Variants in PRDM6 observed in about 807,000 individuals in gnomAD.
PRDM6 encodes PR/SET domain 6, also known as putative histone-lysine N-methyltransferase PRDM6.
In PRDM6, 25 loss-of-function variants were observed where a neutral mutation model predicts 60.8. The ratio of observed to expected loss-of-function variants is 0.41; its 90% CI spans 0.30 to 0.57. PRDM6 has a LOEUF of 0.57. PRDM6 is among the 20% of genes least tolerant of loss of function. PRDM6 has a pLI of 0.27. For synonymous variants in PRDM6, 407 were observed against 357.4 expected (o/e 1.14, Z -1.57); for missense variants, 839 against 821.3 (o/e 1.02, Z -0.26).
At chr5:123,128,976 A>G (rs1764757291) in intron 3 of PRDM6, among the ~76,000 whole-genome samples, 2 of 152,186 alleles carry the variant, frequency 1.3e-5, no homozygotes, top group Admixed American at 6.5e-5. Flanking sequence ...TCAGCTTTCT[A>G]CATATAGCTA....
At chr5:123,112,712 CTTTAA>C (rs1764339977) in intron 3 of PRDM6, among the ~76,000 whole-genome samples, 1 of 147,038 alleles carries the variant, frequency 6.8e-6, no homozygotes, top group South Asian at 2.1e-4. Flanking sequence ...TTATCCTTAT[CTTTAA>C]TTTATGGTGC....
At chr5:123,129,748 C>T (rs143090623) in intron 3 of PRDM6, among the ~76,000 whole-genome samples, 223 of 152,294 alleles carry the variant, frequency 1.5e-3, no homozygotes, top group Middle Eastern at 6.8e-3. Flanking sequence ...AATAAAGGTA[C>T]ACTGCTTATC....
intron 5 of PRDM6, among the ~76,000 whole-genome samples, chr5:123,163,680 T>C: frequency 6.6e-6 from 1 of 152,188 alleles, no homozygotes. Context: ...AGGAATGAGG[T>C]TCCCCAAAGC....
At chr5:123,146,269 T>A (rs1297249581) in intron 3 of PRDM6, among the ~76,000 whole-genome samples, 1 of 152,172 alleles carries the variant, frequency 6.6e-6, no homozygotes, top group African/African-American at 2.4e-5. Flanking sequence ...AAACCAAAAT[T>A]TCTGCTACAA....
At chr5:123,175,355 C>T (rs1343619518) in intron 6 of PRDM6, among the ~76,000 whole-genome samples, 1 of 152,132 alleles carries the variant, frequency 6.6e-6, no homozygotes, top group Non-Finnish European at 1.5e-5. Context: ...TTTTAAGTAT[C>T]ATTGTTTGTA....
intron 3 of PRDM6, among the ~76,000 whole-genome samples, chr5:123,121,299 T>C (rs1485018754): frequency 6.6e-6 from 1 of 152,216 alleles, no homozygotes; most frequent in Non-Finnish European, 1.5e-5. Context: ...TTATTTTGAA[T>C]ATTTTTTTCT....
intron 7 of PRDM6, among the ~76,000 whole-genome samples, chr5:123,182,218 A>G (rs1330975406): frequency 1.3e-5 from 2 of 152,172 alleles, no homozygotes; most frequent in African/African-American, 4.8e-5. Flanking sequence ...TATCCTGCCT[A>G]GTGGACTTTG....
intron 3 of PRDM6, among the ~76,000 whole-genome samples, chr5:123,112,217 C>G (rs932033587): frequency 6.6e-6 from 1 of 151,882 alleles, no homozygotes; most frequent in East Asian, 1.9e-4. Flanking sequence ...TGGGTTCTAG[C>G]TCTCACTGGG....
intron 3 of PRDM6, among the ~76,000 whole-genome samples, chr5:123,107,412 T>C (rs907465613): frequency 6.6e-6 from 1 of 152,238 alleles, no homozygotes; most frequent in Non-Finnish European, 1.5e-5. Context: ...GGTTTTCCTA[T>C]ATAAGAACAT....
At chr5:123,122,712 A>G (rs1580496192) in intron 3 of PRDM6, among the ~76,000 whole-genome samples, 1 of 152,176 alleles carries the variant, frequency 6.6e-6, no homozygotes, top group Non-Finnish European at 1.5e-5. Context: ...ATTACCTATA[A>G]TGTCTCTAGT....
intron 3 of PRDM6, among the ~76,000 whole-genome samples, chr5:123,153,794 C>A (rs180754984): frequency 6.6e-6 from 1 of 152,126 alleles, no homozygotes; most frequent in Non-Finnish European, 1.5e-5. Context: ...AATGAGCCAA[C>A]GGTTAAGACA....
chr5:123,099,643 G>A lies in PRDM6; in HGVS notation c.593-11G>A, dbSNP rs2150207750. On this transcript the variant is annotated splice_polypyrimidine_tract_variant and intron_variant, in intron 2 of 7. Transcript: ENST00000407847. This position sits in a 1 kb window ranked among gnomAD's most constrained non-coding sequence, Gnocchi z 4.0. The stretch of plus-strand genomic sequence containing the variant: ...CCGCTCCCTTCCCTTCCTCCTTCTT[G>A]TCTCCCGCAGGTTGCGACATGTGCG... The A allele has an allele frequency of 6.9e-7, 1 of 1,445,468 alleles. No individual in the cohort carries two copies. Among genetic ancestry groups the A allele is most frequent in the East Asian group, 2.6e-5 (1 of 37,850 alleles). The allele number at this position is 1,445,468 out of a possible 1,614,324, so 89.5% of individuals were successfully genotyped here.
chr5:123,168,695 C>T (rs1309744651), intron 5 of PRDM6, among the ~76,000 whole-genome samples: 1 of 152,258 alleles, frequency 6.6e-6, no homozygotes, highest in Non-Finnish European at 1.5e-5. Context: ...GCCAACTAGA[C>T]AAACGCTAGG....
At chr5:123,139,157 A>T (rs1308049207) in intron 3 of PRDM6, among the ~76,000 whole-genome samples, 3 of 152,220 alleles carry the variant, frequency 2.0e-5, no homozygotes, top group Admixed American at 2.0e-4. Context: ...CTGTGAGTCA[A>T]TCAAACCTCT....
intron 2 of PRDM6, among the ~76,000 whole-genome samples, chr5:123,091,533 G>A (rs905665844): frequency 4.6e-5 from 7 of 152,196 alleles, no homozygotes; most frequent in African/African-American, 1.7e-4. Context: ...CCATTTGGCG[G>A]TTTTGAAGCA....
At chr5:123,130,725 C>T (rs972422029) in intron 3 of PRDM6, among the ~76,000 whole-genome samples, 9 of 152,122 alleles carry the variant, frequency 5.9e-5, no homozygotes, top group East Asian at 1.9e-4. Flanking sequence ...TCACCATGCC[C>T]GGCTAATTGT....
Position 123,089,413 on chromosome 5 carries a change from T to G in PRDM6, c.-122T>G, listed in dbSNP as rs1325520940. The G allele has an allele frequency of 6.5e-6, 1 of 152,878 alleles. No individual in the cohort carries two copies. The highest frequency in any genetic ancestry group is 2.4e-5 in the African/African-American group (1 of 41,344). The allele number at this position is 152,878 out of a possible 1,614,324, so 9.5% of individuals were successfully genotyped here. A position where few individuals can be genotyped will look rare whatever the true frequency, so the allele number is the denominator to read the frequency against. ...GGCGGCACAATCTCTAGGACTCTCC[T>G]CCCGCGCTGCTCAGGGGCATGTAGC... On this transcript the variant is annotated 5_prime_UTR_variant, in exon 1 of 8. Coordinates refer to ENST00000407847, the MANE Select transcript of PRDM6 (RefSeq NM_001136239.4).
At chr5:123,186,502 A>T (rs932176879) in intron 7 of PRDM6, among the ~76,000 whole-genome samples, 2 of 152,190 alleles carry the variant, frequency 1.3e-5, no homozygotes, top group Non-Finnish European at 2.9e-5. Flanking sequence ...TTCTAGTTTT[A>T]TAAATTATTT....
At chr5:123,128,601 CTTG>C (rs1394482177) in intron 3 of PRDM6, among the ~76,000 whole-genome samples, 1 of 152,160 alleles carries the variant, frequency 6.6e-6, no homozygotes, top group Non-Finnish European at 1.5e-5. Context: ...CCTTTGCCCA[CTTG>C]TTGATGGGAT....
Sources: allele counts gnomAD v4.1 joint callset (sites outside exome capture counted in the v4.1 genomes callset), GRCh38; gene constraint gnomAD v4.1.1; non-coding constraint Gnocchi (gnomAD v3.1); transcripts MANE v1.5; gene names NCBI Gene and HGNC (gene_info 2026-07-23, HGNC 2026-07-21).